Variants in SLC35E4 observed in about 807,000 individuals in gnomAD.
SLC35E4 encodes solute carrier family 35, member E4.
SLC35E4 carries 15 observed loss-of-function variants against 19.3 expected under a neutral mutation model. The ratio of observed to expected loss-of-function variants is 0.78; its 90% CI spans 0.52 to 1.20. The LOEUF (loss-of-function observed/expected upper bound fraction) is 1.20. Ranked by LOEUF, SLC35E4 falls within the 50% of genes most tolerant of loss-of-function variation. The pLI, the probability that SLC35E4 is intolerant of heterozygous loss-of-function variation, is 0.00. For synonymous variants in SLC35E4, 219 were observed against 219.9 expected (o/e 1.00, Z 0.04); for missense variants, 406 against 472.3 (o/e 0.86, Z 1.30).
At chr22:30,643,008 C>A (rs546450052) in intron 1 of SLC35E4, among the ~76,000 whole-genome samples, 1 of 146,614 alleles carries the variant, frequency 6.8e-6, no homozygotes, top group Non-Finnish European at 1.5e-5. Context: ...CCAGCCTGGG[C>A]GACAGAGTGA....
chr22:30,660,165 C>T (rs1283270395), intron 2 of SLC35E4, among the ~76,000 whole-genome samples: 1 of 152,160 alleles, frequency 6.6e-6, no homozygotes, highest in Non-Finnish European at 1.5e-5. Flanking sequence ...AGCAGAGGAC[C>T]TAGTCAAGTC....
At chr22:30,664,051 G>A (rs767397656), downstream of SLC35E4, 30 of 1,525,938 alleles carry the variant, frequency 2.0e-5, no homozygotes, top group East Asian at 2.3e-5. Context: ...CGAAGGCTGC[G>A]TCTTTCTGCT....
intron 2 of SLC35E4, chr22:30,653,771 C>T (rs2088274685): frequency 6.6e-6 from 1 of 152,116 alleles, no homozygotes; most frequent in South Asian, 2.1e-4. Context: ...GAGGAGAACC[C>T]TTGTTAGGCT....
downstream of SLC35E4, among the ~76,000 whole-genome samples, chr22:30,666,318 T>G (rs2145628093): frequency 6.6e-6 from 1 of 152,244 alleles, no homozygotes; most frequent in Admixed American, 6.5e-5. Context: ...ATTTTCATGC[T>G]AGTTAAGAAA....
At chr22:30,652,504 T>G (rs1484652540), downstream of SLC35E4, among the ~76,000 whole-genome samples, 1 of 152,224 alleles carries the variant, frequency 6.6e-6, no homozygotes, top group East Asian at 1.9e-4. Flanking sequence ...AACTATAAAC[T>G]AAGTTTCTCC....
At chr22:30,647,921 A>T (rs1374574833), downstream of SLC35E4, 1 of 152,104 alleles carries the variant, frequency 6.6e-6, no homozygotes, top group East Asian at 1.9e-4. Context: ...GGTTGTACAG[A>T]GGGGATATAG....
intron 1 of SLC35E4, among the ~76,000 whole-genome samples, chr22:30,642,261 C>G (rs1258364846): frequency 6.6e-6 from 1 of 152,062 alleles, no homozygotes; most frequent in Non-Finnish European, 1.5e-5. Flanking sequence ...TTACCCACCT[C>G]GGCCTAAAGT....
At chr22:30,660,689 A>G (rs867350723) in intron 2 of SLC35E4, among the ~76,000 whole-genome samples, 2 of 152,232 alleles carry the variant, frequency 1.3e-5, no homozygotes, top group South Asian at 4.1e-4. Context: ...CCATGTCCAT[A>G]TACATCATAA....
intron 1 of SLC35E4, among the ~76,000 whole-genome samples, chr22:30,638,858 G>C (rs2087992745): frequency 6.6e-6 from 1 of 151,704 alleles, no homozygotes; most frequent in African/African-American, 2.4e-5. Context: ...CCCAGCTACT[G>C]GGGAGGCTGA....
At chr22:30,662,792 G>C (rs931129102) in exon 3 of SLC35E4, 4 of 152,294 alleles carry the variant, frequency 2.6e-5, no homozygotes, top group African/African-American at 9.7e-5. Flanking sequence ...TCACACTACT[G>C]CACTCTAGGA....
chr22:30,663,199 C>T (rs1306449445), exon 3 of SLC35E4: 7 of 505,456 alleles, frequency 1.4e-5, no homozygotes, highest in African/African-American at 1.3e-4. Context: ...TCAACCTATC[C>T]CCTGGCCAGT....
At position 30,636,530 on chromosome 22, in the gene SLC35E4, CG is replaced by C; in HGVS notation, c.82del (p.Ala28LeufsTer101). On this transcript the variant is annotated frameshift_variant, in exon 1 of 2. Coordinates refer to ENST00000343605, the MANE Select transcript of SLC35E4 (RefSeq NM_001001479.4). LOFTEE classifies it high-confidence loss of function. ...EVGAAAGGAQAAGPPEWPPGS... is the reference protein window; with the variant it reads ...EVGAAAGGAQXAGPPEWPPGS... ...GGAGCAGCAGCTGGTGGTGCTCAGG[CG>C]GCTGGGCCCCCCGAGTGGCCCCCTG... 6.4e-7 allele frequency: 1 copy of C among 1,553,526 alleles called. No homozygotes were observed. Among genetic ancestry groups the C allele is most frequent in the African/African-American group, 1.4e-5 (1 of 73,270 alleles).
At chr22:30,649,365 G>T, downstream of SLC35E4, 1 of 656,654 alleles carries the variant, frequency 1.5e-6, no homozygotes. Context: ...AGACCAGGCT[G>T]GGGCTGTGGT....
downstream of SLC35E4, among the ~76,000 whole-genome samples, chr22:30,664,368 C>T (rs1472309761): frequency 6.6e-6 from 1 of 152,238 alleles, no homozygotes; most frequent in African/African-American, 2.4e-5. Context: ...AAGTCTGGCA[C>T]TTGAGGCCTC....
downstream of SLC35E4, among the ~76,000 whole-genome samples, chr22:30,651,422 T>TATAC (rs1569062091): frequency 8.5e-5 from 4 of 47,088 alleles, no homozygotes; most frequent in Admixed American, 2.9e-4. Context: ...TATATATATA[T>TATAC]ATATATTTTT....
chr22:30,645,597 A>G (rs2088116057), intron 1 of SLC35E4, among the ~76,000 whole-genome samples: 1 of 35,404 alleles, frequency 2.8e-5, no homozygotes, highest in Non-Finnish European at 5.1e-5. Context: ...TCTGTCTCCA[A>G]AAAAAAAAAA....
At chr22:30,660,887 T>C (rs1271142969) in intron 2 of SLC35E4, among the ~76,000 whole-genome samples, 1 of 151,878 alleles carries the variant, frequency 6.6e-6, no homozygotes, top group Non-Finnish European at 1.5e-5. Context: ...TTGCCCAGGC[T>C]GGAGTGCAAT....
intron 2 of SLC35E4, among the ~76,000 whole-genome samples, chr22:30,653,621 C>CA (rs2088270958): frequency 6.6e-6 from 1 of 151,988 alleles, no homozygotes; most frequent in Admixed American, 6.6e-5. Flanking sequence ...GACCCGCCCC[C>CA]CCTCGGCCTC....
At chr22:30,654,279 C>G (rs549007988) in intron 2 of SLC35E4, 1 of 442,182 alleles carries the variant, frequency 2.3e-6, no homozygotes, top group African/African-American at 2.0e-5. Context: ...CCACCGCGCC[C>G]GGCCATCCCA....
Sources: allele counts gnomAD v4.1 joint callset (sites outside exome capture counted in the v4.1 genomes callset), GRCh38; gene constraint gnomAD v4.1.1; transcripts MANE v1.5; gene names NCBI Gene and HGNC (gene_info 2026-07-23, HGNC 2026-07-21).